ZNF846: variants seen among roughly 807,000 people sequenced by gnomAD.
The protein encoded by ZNF846 is zinc finger protein 846.
ZNF846 carries 15 observed loss-of-function variants against 16.0 expected under a neutral mutation model. That is an observed-to-expected ratio of 0.94 (90% CI 0.63 to 1.45). The LOEUF (loss-of-function observed/expected upper bound fraction) is 1.45, where lower values mean the gene tolerates loss of function less well. Ranked by LOEUF, ZNF846 falls within the 40% of genes most tolerant of loss-of-function variation. The pLI is 0.00. For synonymous variants in ZNF846, 229 were observed against 212.0 expected (o/e 1.08, Z -0.70); for missense variants, 714 against 622.3 (o/e 1.15, Z -1.57).
chr19:9,757,331 A>G (rs905186939), downstream of ZNF846: 3 of 658,408 alleles, frequency 4.6e-6, no homozygotes, highest in East Asian at 2.8e-5. Context: ...CCTATTCCTT[A>G]TATCACTGGG....
intron 1 of ZNF846, among the ~76,000 whole-genome samples, chr19:9,777,149 GCACACACA>G (rs113160573): frequency 5.3e-5 from 7 of 131,652 alleles, no homozygotes; most frequent in African/African-American, 1.7e-4. Context: ...ACACACACAC[GCACACACA>G]CACACACACA....
chr19:9,758,839 A>G lies in ZNF846; in HGVS notation c.313-75T>C, dbSNP rs1184308840. The G allele has an allele frequency of 5.3e-6, 6 of 1,127,362 alleles. No individual in the cohort carries two copies. In the Admixed American group the frequency reaches 1.2e-4, roughly 23 times the overall value. The allele number at this position is 1,127,362 out of a possible 1,614,324, so 69.8% of individuals were successfully genotyped here. A position where few individuals can be genotyped will look rare whatever the true frequency, so the allele number is the denominator to read the frequency against. Reference sequence around the variant, plus strand: ...AACAGAATTTCTCCCCAATCACAACATATATGCATTGGAAATATATTTAAA... The same window carrying G: ...AACAGAATTTCTCCCCAATCACAACGTATATGCATTGGAAATATATTTAAA... On this transcript the variant is annotated intron_variant, in intron 5 of 5. Coordinates refer to ENST00000397902, the Ensembl canonical transcript of ZNF846.
intron 1 of ZNF846, among the ~76,000 whole-genome samples, chr19:9,765,442 G>A (rs1165997757): frequency 6.6e-6 from 1 of 152,048 alleles, no homozygotes; most frequent in Non-Finnish European, 1.5e-5. Context: ...GGAGGCCGAG[G>A]CGGGTGGATC....
downstream of ZNF846, among the ~76,000 whole-genome samples, chr19:9,751,321 C>T (rs986773062): frequency 1.3e-5 from 2 of 152,134 alleles, no homozygotes; most frequent in South Asian, 2.1e-4. Flanking sequence ...AGAAACGTCA[C>T]CCATCACTCC....
downstream of ZNF846, among the ~76,000 whole-genome samples, chr19:9,754,532 T>A (rs556069910): frequency 1.7e-5 from 2 of 119,182 alleles, no homozygotes; most frequent in South Asian, 5.4e-4. Context: ...GCCATTGCAC[T>A]CCAGCCTGGG....
rs544799759 is a variant in ZNF846, at chr19:9,765,724, G to C, written c.-85-689C>G. On this transcript the variant is annotated intron_variant, in intron 1 of 5. Coordinates refer to ENST00000397902, the Ensembl canonical transcript of ZNF846. ...AAGCATTTCCATACCCTGCATTGCA[G>C]ACATAGTCTTTTCCATGGCATGCCT... 2.6e-5 allele frequency among the ~76,000 whole-genome samples: 4 copies of C among 152,166 alleles called. No individual in the cohort carries two copies. In the South Asian group the frequency reaches 6.2e-4, roughly 24 times the overall value.
At chr19:9,769,789 A>G (rs903190320), upstream of ZNF846, among the ~76,000 whole-genome samples, 2 of 151,928 alleles carry the variant, frequency 1.3e-5, no homozygotes, top group African/African-American at 4.8e-5. Flanking sequence ...CAGCCTGGCC[A>G]ACATGCCGAA....
chr19:9,764,868 A>T, intron 2 of ZNF846, 68 bp downstream of exon 2: 1 of 1,571,790 alleles, frequency 6.4e-7, no homozygotes. Flanking sequence ...AATACACGAT[A>T]ACAAGGTAAG....
downstream of ZNF846, among the ~76,000 whole-genome samples, chr19:9,750,446 T>G (rs2045074854): frequency 6.6e-6 from 1 of 152,154 alleles, no homozygotes; most frequent in Non-Finnish European, 1.5e-5. Flanking sequence ...GGATTTTGGG[T>G]GCAGGACCCC....
At chr19:9,772,846 A>AGGTT (rs1015271421), upstream of ZNF846, among the ~76,000 whole-genome samples, 103 of 152,144 alleles carry the variant, frequency 6.8e-4, 3 homozygotes, top group African/African-American at 2.4e-3. Context: ...GCTGAGGTGG[A>AGGTT]GGTTGCATTG....
upstream of ZNF846, chr19:9,768,757 A>C (rs2045361028): frequency 6.6e-6 from 1 of 152,342 alleles, no homozygotes; most frequent in South Asian, 2.1e-4. Context: ...GCCGGCTGGC[A>C]CTTCCGCTTC....
At chr19:9,766,412 CAAAAA>C (rs58139573) in intron 1 of ZNF846, among the ~76,000 whole-genome samples, 1 of 72,392 alleles carries the variant, frequency 1.4e-5, no homozygotes, top group Non-Finnish European at 3.3e-5. Flanking sequence ...GACTCTGTCA[CAAAAA>C]AAAAAAAAAA....
chr19:9,752,675 T>TC (rs1398892543), downstream of ZNF846, among the ~76,000 whole-genome samples: 2 of 151,878 alleles, frequency 1.3e-5, no homozygotes, highest in South Asian at 2.1e-4. Flanking sequence ...TTTTTTTTTT[T>TC]CTATTCTCTC....
At chr19:9,757,893 T>C in exon 6 of ZNF846, 1 of 1,613,246 alleles carries the variant, frequency 6.2e-7, no homozygotes, top group South Asian at 1.1e-5. Flanking sequence ...TTCTTTACAT[T>C]CATAGGGCTT....
chr19:9,769,980 CAAAAAAAA>C (rs765094580), upstream of ZNF846, among the ~76,000 whole-genome samples: 2 of 78,146 alleles, frequency 2.6e-5, no homozygotes, highest in African/African-American at 1.1e-4. Flanking sequence ...GACTCCGTCT[CAAAAAAAA>C]AAAAAAAAAG....
chr19:9,754,668 T>A (rs952550099), downstream of ZNF846, among the ~76,000 whole-genome samples: 1 of 150,912 alleles, frequency 6.6e-6, no homozygotes, highest in African/African-American at 2.5e-5. Flanking sequence ...AGTTATCCCA[T>A]TTACCCTTCA....
chr19:9,757,974 C>G (rs529438929), exon 6 of ZNF846: 2 of 1,613,518 alleles, frequency 1.2e-6, no homozygotes, highest in African/African-American at 2.7e-5. Flanking sequence ...ACATGCCTTA[C>G]ATAAATACAG....
At chr19:9,770,550 A>C (rs191702542), upstream of ZNF846, among the ~76,000 whole-genome samples, 53 of 149,444 alleles carry the variant, frequency 3.5e-4, no homozygotes, top group East Asian at 9.8e-3. Context: ...AGGAACATTC[A>C]TATTCCTAAA....
intron 1 of ZNF846, among the ~76,000 whole-genome samples, chr19:9,767,857 CG>C (rs1203120290): frequency 2.0e-5 from 3 of 152,142 alleles, no homozygotes; most frequent in East Asian, 3.9e-4. Context: ...TCGCTTGGAC[CG>C]GGAGACAGAG....
Sources: allele counts gnomAD v4.1 joint callset (sites outside exome capture counted in the v4.1 genomes callset), GRCh38; gene constraint gnomAD v4.1.1; transcripts MANE v1.5; gene names NCBI Gene and HGNC (gene_info 2026-07-23, HGNC 2026-07-21).